BTG4: variants seen among roughly 807,000 people sequenced by gnomAD.
The protein encoded by BTG4 is protein BTG4.
In BTG4, 10 loss-of-function variants were observed where a neutral mutation model predicts 19.3. The ratio of observed to expected loss-of-function variants is 0.52; its 90% CI spans 0.32 to 0.88. The LOEUF is 0.88. Ranked by LOEUF, BTG4 falls within the 40% of genes least tolerant of loss-of-function variation. The probability of loss-of-function intolerance (pLI) is 0.04; values close to 1 mark genes in which losing one functional copy is unlikely to be tolerated. For synonymous variants in BTG4, 91 were observed against 95.7 expected, an observed-to-expected ratio of 0.95 and a Z score of 0.29; for missense variants, 238 against 281.9, an observed-to-expected ratio of 0.84 and a Z score of 1.11.
chr11:111,398,266 G>A, the BTG4 span, among the ~76,000 whole-genome samples: 1 of 152,192 alleles, frequency 6.6e-6, no homozygotes, highest in African/African-American at 2.4e-5. Context: ...TTGACCAAGT[G>A]TAGTTTCAGA....
At chr11:111,396,229 G>T in the BTG4 span, among the ~76,000 whole-genome samples, 2 of 152,174 alleles carry the variant, frequency 1.3e-5, no homozygotes, top group African/African-American at 4.8e-5. Context: ...ATTTTAGAAT[G>T]GTCCCTCCTG....
the BTG4 span, chr11:111,456,597 G>A: frequency 4.4e-6 from 2 of 453,798 alleles, no homozygotes; most frequent in East Asian, 7.0e-5. The surrounding 1 kb of genome is among the most constrained non-coding windows in gnomAD (Gnocchi z 4.2). Context: ...ACTCCTTGAT[G>A]CTTCCAGCCA....
the BTG4 span, among the ~76,000 whole-genome samples, chr11:111,393,272 C>T: frequency 3.3e-5 from 5 of 152,314 alleles, no homozygotes; most frequent in East Asian, 3.9e-4. Context: ...CTAATCTAGA[C>T]GGTCATATGC....
the BTG4 span, chr11:111,399,176 C>T: frequency 6.6e-6 from 1 of 152,262 alleles, no homozygotes; most frequent in Non-Finnish European, 1.5e-5. Flanking sequence ...ACAATTGTAG[C>T]CACTTCCTTG....
At chr11:111,387,757 C>T in the BTG4 span, among the ~76,000 whole-genome samples, 1 of 152,110 alleles carries the variant, frequency 6.6e-6, no homozygotes, top group South Asian at 2.1e-4. Flanking sequence ...ATCAAGAAAG[C>T]CTGATAGTTA....
intron 5 of BTG4, among the ~76,000 whole-genome samples, chr11:111,473,097 C>T (rs1226960896): frequency 6.6e-6 from 1 of 151,038 alleles, no homozygotes; most frequent in Non-Finnish European, 1.5e-5. Context: ...AAAAAAAACA[C>T]CAAACTTGCC....
At chr11:111,500,596 C>A (rs1866008915) in intron 1 of BTG4, among the ~76,000 whole-genome samples, 1 of 152,140 alleles carries the variant, frequency 6.6e-6, no homozygotes, top group Admixed American at 6.5e-5. Flanking sequence ...ATAGTCTCAG[C>A]TTTTTAAGAG....
the BTG4 span, among the ~76,000 whole-genome samples, chr11:111,399,770 T>C: frequency 6.6e-6 from 1 of 152,138 alleles, no homozygotes; most frequent in African/African-American, 2.4e-5. Context: ...CTCCATCCTA[T>C]AGCAGAGCCT....
chr11:111,461,395 G>A, the BTG4 span, among the ~76,000 whole-genome samples: 5 of 152,292 alleles, frequency 3.3e-5, no homozygotes, highest in East Asian at 9.6e-4. Flanking sequence ...GGGGACTCTG[G>A]AGCAGGTGTC....
the BTG4 span, among the ~76,000 whole-genome samples, chr11:111,429,929 G>GT: frequency 8.9e-5 from 12 of 134,502 alleles, no homozygotes; most frequent in African/African-American, 3.1e-4. Context: ...CTGTGTTATT[G>GT]TTGTTGGTGT....
chr11:111,510,217 A>G (rs960214439), intron 1 of BTG4, among the ~76,000 whole-genome samples: 13 of 152,028 alleles, frequency 8.6e-5, no homozygotes, highest in Non-Finnish European at 1.8e-4. Context: ...GCCTGTCTCC[A>G]CCTTTTCTAA....
intron 5 of BTG4, among the ~76,000 whole-genome samples, chr11:111,480,706 T>C (rs186415520): frequency 0.011 from 1,628 of 151,810 alleles, 17 homozygotes; most frequent in Non-Finnish European, 0.016. Flanking sequence ...AATAATCCAA[T>C]GGTTAAAGAA....
chr11:111,417,166 T>A, the BTG4 span: 1 of 152,234 alleles, frequency 6.6e-6, no homozygotes, highest in East Asian at 1.9e-4. Context: ...GCTTTCTTAA[T>A]AGACTGAGAG....
chr11:111,489,843 C>T (rs1026429838), downstream of BTG4, among the ~76,000 whole-genome samples: 13 of 151,618 alleles, frequency 8.6e-5, no homozygotes, highest in African/African-American at 3.2e-4. Context: ...TACTAGAAGC[C>T]GGGAAGGGTA....
chr11:111,412,631 C>G, the BTG4 span, among the ~76,000 whole-genome samples: 1 of 152,202 alleles, frequency 6.6e-6, no homozygotes, highest in Non-Finnish European at 1.5e-5. Flanking sequence ...ATTCACTCAT[C>G]TAATCCTTCC....
chr11:111,496,737 CTT>C (rs1461809457), intron 4 of BTG4: 1 of 156,596 alleles, frequency 6.4e-6, no homozygotes, highest in Non-Finnish European at 1.4e-5. Flanking sequence ...TTTCATGAAA[CTT>C]TTTAAATGTA....
the BTG4 span, chr11:111,455,617 A>C: frequency 1.0e-5 from 3 of 301,136 alleles, no homozygotes; most frequent in Non-Finnish European, 2.1e-5. Flanking sequence ...CAGAACCCAG[A>C]AAAGTGTGGA....
chr11:111,473,068 G>A (rs753759749), intron 5 of BTG4, among the ~76,000 whole-genome samples: 19 of 150,702 alleles, frequency 1.3e-4, no homozygotes, highest in Non-Finnish European at 4.4e-5. Context: ...TGAGGAAACC[G>A]AGGCCTAGAA....
At chr11:111,455,013 G>A in the BTG4 span, 2 of 456,464 alleles carry the variant, frequency 4.4e-6, no homozygotes, top group South Asian at 1.5e-5. Context: ...CTCTCCAGCA[G>A]CTGTGGGGAA....
Sources: gnomAD v4.1 joint callset for allele counts (sites outside exome capture counted in the v4.1 genomes callset) on GRCh38, gnomAD v4.1.1 for gene constraint, Gnocchi (gnomAD v3.1) non-coding constraint, MANE v1.5 for transcripts, NCBI Gene and HGNC (gene_info 2026-07-23, HGNC 2026-07-21) for gene names.